NALCN: variants seen among roughly 807,000 people sequenced by gnomAD.
The protein encoded by NALCN is sodium leak channel NALCN.
In NALCN, 111 loss-of-function variants were observed where a neutral mutation model predicts 225.3. That is an observed-to-expected ratio of 0.49 (90% CI 0.42 to 0.58). The LOEUF (loss-of-function observed/expected upper bound fraction) is 0.58, where lower values mean the gene tolerates loss of function less well. Ranked by LOEUF, NALCN falls within the 20% of genes least tolerant of loss-of-function variation. The pLI is 0.00. For synonymous variants in NALCN, 764 were observed against 769.0 expected (o/e 0.99, Z 0.11); for missense variants, 1,378 against 2,202.4 (o/e 0.63, Z 7.49).
At chr13:101,138,429 G>A (rs1057006739) in intron 17 of NALCN, among the ~76,000 whole-genome samples, 2 of 152,252 alleles carry the variant, frequency 1.3e-5, no homozygotes, top group Admixed American at 6.5e-5. Context: ...AAAGGAGGCT[G>A]ACAAGAGGGT....
chr13:101,120,626 A>G lies in NALCN; in HGVS notation c.2192+3982T>C, dbSNP rs79717370. On this transcript the variant is annotated intron_variant, in intron 18 of 43. Transcript: ENST00000251127. ...AGGCACAAAAGAAAAAATAAATTTC[A>G]TGTGTGAAGAGGACAACATAAGGTC... Among the ~76,000 whole-genome samples, 992 of 152,224 alleles carry G rather than the reference A, an allele frequency of 6.5e-3. 7 individuals carry two copies. Among genetic ancestry groups the G allele is most frequent in the African/African-American group, 0.023 (948 of 41,562 alleles).
chr13:101,094,012 A>C (rs1195371182), intron 28 of NALCN, among the ~76,000 whole-genome samples: 1 of 152,226 alleles, frequency 6.6e-6, no homozygotes, highest in Non-Finnish European at 1.5e-5. Flanking sequence ...TTCTGGCCAT[A>C]GGTGTTCAAG....
chr13:101,346,339 C>T (rs1324989116), intron 6 of NALCN, among the ~76,000 whole-genome samples: 3 of 152,014 alleles, frequency 2.0e-5, no homozygotes, highest in East Asian at 1.9e-4. Flanking sequence ...TTGCAAAGAA[C>T]GTTAACTTGT....
chr13:101,060,449 A>ATTT lies in NALCN; in HGVS notation c.4756-485_4756-483dup, dbSNP rs55697849. ...GTGCATGACTGTGGCTGGCTAATTA[A>ATTT]TTTTTTTTTTTTTTTTTTTTTTTCA... On this transcript the variant is annotated intron_variant, in intron 41 of 43. Transcript: ENST00000251127. Among the ~76,000 whole-genome samples the ATTT allele has an allele frequency of 8.1e-3, 756 of 93,650 alleles. 11 individuals carry two copies. The highest frequency in any genetic ancestry group is 0.017 in the African/African-American group (398 of 22,846). 61.4% of individuals were successfully genotyped at this position (93,650 alleles called of 152,430 possible).
intron 13 of NALCN, among the ~76,000 whole-genome samples, chr13:101,219,609 C>T (rs1206849300): frequency 6.6e-6 from 1 of 152,088 alleles, no homozygotes; most frequent in African/African-American, 2.4e-5. Flanking sequence ...CAGGCTGTGC[C>T]CCAAAATGTT....
chr13:101,163,440 T>C (rs1321744794), intron 15 of NALCN, among the ~76,000 whole-genome samples: 1 of 152,156 alleles, frequency 6.6e-6, no homozygotes, highest in Non-Finnish European at 1.5e-5. Flanking sequence ...TCTAAAACAA[T>C]GTCCTTCTGG....
At chr13:101,258,400 C>T (rs1413911123) in intron 11 of NALCN, 43 bp downstream of exon 11, 1 of 1,612,360 alleles carries the variant, frequency 6.2e-7, no homozygotes, top group South Asian at 1.1e-5. Flanking sequence ...CCGCGGTTCA[C>T]CTGCTCCTTG....
At chr13:101,179,831 T>C (rs1446392927) in intron 14 of NALCN, among the ~76,000 whole-genome samples, 3 of 152,112 alleles carry the variant, frequency 2.0e-5, no homozygotes, top group Non-Finnish European at 4.4e-5. Flanking sequence ...AGTCCAAAAT[T>C]GAGTTGTCGG....
intron 30 of NALCN, among the ~76,000 whole-genome samples, chr13:101,084,353 C>A (rs1289427379): frequency 6.6e-6 from 1 of 152,126 alleles, no homozygotes; most frequent in African/African-American, 2.4e-5. Flanking sequence ...GATTAAAATG[C>A]ATATGATTAA....
intron 2 of NALCN, among the ~76,000 whole-genome samples, chr13:101,397,127 TATA>T (rs2047331060): frequency 7.5e-6 from 1 of 134,094 alleles, no homozygotes; most frequent in Non-Finnish European, 1.6e-5. Flanking sequence ...CATACATATA[TATA>T]ATGTGTGCAT....
chr13:101,330,358 G>A (rs952620057), intron 7 of NALCN, among the ~76,000 whole-genome samples: 3 of 152,154 alleles, frequency 2.0e-5, no homozygotes, highest in Non-Finnish European at 2.9e-5. Flanking sequence ...CAGGGCTTCT[G>A]GGTCCCAATA....
chr13:101,408,784 A>T (rs1012799599), intron 1 of NALCN, among the ~76,000 whole-genome samples: 4 of 152,104 alleles, frequency 2.6e-5, no homozygotes, highest in African/African-American at 9.7e-5. Flanking sequence ...GCTCTGCAAA[A>T]AACAGAATTT....
intron 10 of NALCN, among the ~76,000 whole-genome samples, chr13:101,261,964 A>G (rs1018188718): frequency 6.6e-6 from 1 of 152,190 alleles, no homozygotes; most frequent in Non-Finnish European, 1.5e-5. Flanking sequence ...CCCATTCAGT[A>G]TGATACTAGC....
At chr13:101,383,366 A>G (rs566718332) in intron 3 of NALCN, among the ~76,000 whole-genome samples, 11 of 152,170 alleles carry the variant, frequency 7.2e-5, no homozygotes, top group Non-Finnish European at 1.5e-4. Context: ...TGAGTTTCCT[A>G]CTTAAATCTT....
chr13:101,391,012 A>G (rs1229168341), intron 3 of NALCN, among the ~76,000 whole-genome samples: 1 of 152,136 alleles, frequency 6.6e-6, no homozygotes, highest in Admixed American at 6.5e-5. Context: ...ATACATATGT[A>G]ACAAACCTGC....
intron 6 of NALCN, 68 bp downstream of exon 6, chr13:101,376,632 C>T: frequency 6.6e-7 from 1 of 1,516,566 alleles, no homozygotes; most frequent in African/African-American, 1.4e-5. Context: ...AGAGGTTATT[C>T]TTATGAAAAT....
rs138325625 is a variant in NALCN, at chr13:101,251,438, A to G, written c.1266+7005T>C. Among the ~76,000 whole-genome samples, 71 of 152,198 alleles carry G rather than the reference A, an allele frequency of 4.7e-4. 2 individuals are homozygous for G. Among genetic ancestry groups the G allele is most frequent in the African/African-American group, 1.6e-3 (68 of 41,562 alleles). On this transcript the variant is annotated intron_variant, in intron 11 of 43. Coordinates refer to ENST00000251127, the MANE Select transcript of NALCN (RefSeq NM_052867.4). ...AAGAAGTGGTACACAGGGATCTTCT[A>G]CTCTACTAATGATGTTTTATTTCTG...
chr13:101,199,060 T>G (rs7990407), intron 13 of NALCN, among the ~76,000 whole-genome samples: 38,849 of 151,486 alleles, frequency 0.26, 5,248 homozygotes, highest in East Asian at 0.37. Context: ...AACACTGCAC[T>G]TTCTCACTCA....
At chr13:101,259,836 A>C (rs2140221927) in intron 10 of NALCN, among the ~76,000 whole-genome samples, 1 of 151,264 alleles carries the variant, frequency 6.6e-6, no homozygotes, top group South Asian at 2.1e-4. Flanking sequence ...AATGGGGAAT[A>C]AGCATATCAT....
Sources: gnomAD v4.1 joint callset for allele counts (sites outside exome capture counted in the v4.1 genomes callset) on GRCh38, gnomAD v4.1.1 for gene constraint, MANE v1.5 for transcripts, NCBI Gene and HGNC (gene_info 2026-07-23, HGNC 2026-07-21) for gene names.